The following MYH10 variants were observed in gnomAD, a reference collection of about 807,000 sequenced individuals.
MYH10 encodes the protein myosin heavy chain 10.
Under a neutral mutation model 257.8 loss-of-function variants are expected in MYH10, and 55 were observed. The observed-to-expected ratio is 0.21, with a 90% CI of 0.17 to 0.27. The LOEUF (loss-of-function observed/expected upper bound fraction) is 0.27. Ranked by LOEUF, MYH10 falls within the 10% of genes least tolerant of loss-of-function variation. The pLI is 1.00. For missense variants in MYH10, 1,631 were observed against 2,500.6 expected (o/e 0.65, Z 7.42); for synonymous variants, 854 against 921.7 (o/e 0.93, Z 1.33).
intron 24 of MYH10, among the ~76,000 whole-genome samples, chr17:8,512,212 G>T (rs928135328): frequency 6.6e-6 from 1 of 152,210 alleles, no homozygotes; most frequent in African/African-American, 2.4e-5. Context: ...TTTGCAAACT[G>T]TAAGATGCCA....
chr17:8,568,522 A>G (rs1199069058), intron 7 of MYH10, among the ~76,000 whole-genome samples: 2 of 152,148 alleles, frequency 1.3e-5, no homozygotes, highest in African/African-American at 2.4e-5. Context: ...TTATCCATCA[A>G]TGAACTGCTA....
At chr17:8,603,346 T>C (rs749210726) in intron 3 of MYH10, among the ~76,000 whole-genome samples, 10 of 152,318 alleles carry the variant, frequency 6.6e-5, no homozygotes, top group African/African-American at 1.9e-4. Context: ...CATTAATCAA[T>C]ATACTCACAT....
chr17:8,587,083 C>A (rs867240708), intron 4 of MYH10, among the ~76,000 whole-genome samples: 1 of 152,140 alleles, frequency 6.6e-6, no homozygotes, highest in Non-Finnish European at 1.5e-5. Context: ...GCTGCTACCA[C>A]GTTAAAAGCC....
chr17:8,525,518 C>T (rs928507454), intron 17 of MYH10, among the ~76,000 whole-genome samples: 8 of 152,214 alleles, frequency 5.3e-5, no homozygotes, highest in African/African-American at 1.2e-4. Context: ...AGTGAACTTG[C>T]ACGAAGTTTA....
chr17:8,592,638 A>G (rs963149081), intron 3 of MYH10, among the ~76,000 whole-genome samples: 3 of 151,658 alleles, frequency 2.0e-5, no homozygotes, highest in Non-Finnish European at 2.9e-5. Context: ...CTATTAAAGA[A>G]AATGAAATTG....
At chr17:8,547,500 G>A (rs1157115281) in intron 11 of MYH10, among the ~76,000 whole-genome samples, 2 of 151,880 alleles carry the variant, frequency 1.3e-5, no homozygotes, top group East Asian at 1.9e-4. Context: ...CCCCTTAGAA[G>A]AGCCACACAG....
intron 14 of MYH10, among the ~76,000 whole-genome samples, chr17:8,537,932 T>C (rs1251822197): frequency 6.6e-6 from 1 of 152,212 alleles, no homozygotes; most frequent in East Asian, 1.9e-4. Context: ...TTGTGAAAGC[T>C]TGTGAACTCA....
intron 2 of MYH10, among the ~76,000 whole-genome samples, chr17:8,622,591 T>C (rs1400692367): frequency 1.3e-5 from 2 of 152,244 alleles, no homozygotes; most frequent in Non-Finnish European, 1.5e-5. Context: ...CTTTACCTTA[T>C]TAAACCTTCT....
chr17:8,479,596 A>G (rs1157838723), intron 40 of MYH10, among the ~76,000 whole-genome samples: 1 of 152,202 alleles, frequency 6.6e-6, no homozygotes, highest in Non-Finnish European at 1.5e-5. Flanking sequence ...CAAGAGGGTG[A>G]ATCTGAAGGT....
At chr17:8,594,950 A>G (rs2084305152) in intron 3 of MYH10, among the ~76,000 whole-genome samples, 1 of 152,232 alleles carries the variant, frequency 6.6e-6, no homozygotes, top group Non-Finnish European at 1.5e-5. Flanking sequence ...GAATCTGCAA[A>G]TGTGGGACCC....
At chr17:8,557,295 C>A (rs1038866971) in intron 7 of MYH10, among the ~76,000 whole-genome samples, 2 of 152,084 alleles carry the variant, frequency 1.3e-5, no homozygotes, top group African/African-American at 4.8e-5. Context: ...GAACTCACCC[C>A]ATTTTCCTAT....
At chr17:8,606,987 C>T (rs1036214305) in intron 2 of MYH10, among the ~76,000 whole-genome samples, 3 of 152,114 alleles carry the variant, frequency 2.0e-5, no homozygotes, top group African/African-American at 4.8e-5. Flanking sequence ...TATCTAGTCC[C>T]GTATTTCTTT....
Position 8,512,467 on chromosome 17 carries a change from A to AT in MYH10, c.2935dup (p.Met979AsnfsTer63), listed in dbSNP as rs1304475425. ...TATACATACCTGAATATGTGCTTGC[A>AT]TTTTTTTCTTTTCATTTTGGAGGAT... On this transcript the variant is annotated frameshift_variant, in exon 24 of 43. Coordinates refer to ENST00000360416, the MANE Select transcript of MYH10 (RefSeq NM_001256012.3). LOFTEE classifies it high-confidence loss of function. The AT allele has an allele frequency of 6.2e-7, 1 of 1,612,174 alleles. No individual in the cohort carries two copies.
chr17:8,542,316 G>C, intron 13 of MYH10, 36 bp from the exon 14 acceptor site: 1 of 1,583,818 alleles, frequency 6.3e-7, no homozygotes, highest in Non-Finnish European at 8.6e-7. Context: ...CAAACATGGG[G>C]AGGTGGAGGG....
chr17:8,497,389 T>G, intron 30 of MYH10, among the ~76,000 whole-genome samples: 1 of 152,180 alleles, frequency 6.6e-6, no homozygotes, highest in Non-Finnish European at 1.5e-5. Flanking sequence ...CCAACCACAG[T>G]CAGCCCTTCC....
At chr17:8,595,642 G>C (rs2084338841) in intron 3 of MYH10, among the ~76,000 whole-genome samples, 1 of 151,952 alleles carries the variant, frequency 6.6e-6, no homozygotes, top group African/African-American at 2.4e-5. Context: ...TATTGGTCAG[G>C]CTGGTCTTGA....
At chr17:8,570,362 G>C (rs2083294808) in intron 6 of MYH10, among the ~76,000 whole-genome samples, 1 of 152,170 alleles carries the variant, frequency 6.6e-6, no homozygotes, top group Non-Finnish European at 1.5e-5. Flanking sequence ...AACTTGCTCA[G>C]ATTTAAAAGG....
rs2085000699 is a variant in MYH10, at chr17:8,610,591, G to A, written c.346-5609C>T. Among the ~76,000 whole-genome samples, 3 of 152,148 alleles carry A rather than the reference G, an allele frequency of 2.0e-5. No individual in the cohort carries two copies. The South Asian group carries it at 6.2e-4, about 32-fold the overall frequency. ...TGTTGGGAGGTGAGGCCTATTGAGA[G>A]GTGCTTAGATAATGAGGGCTCCACC... On this transcript the variant is annotated intron_variant, in intron 2 of 42. Coordinates refer to ENST00000360416, the MANE Select transcript of MYH10 (RefSeq NM_001256012.3).
chr17:8,547,964 C>T lies in MYH10; in HGVS notation c.1159+349G>A, dbSNP rs58232292. ...TCTTTGAAAAGTCACTTATATTTGG[C>T]AATACTGGGCCTGTAATCCTGGCAA... On this transcript the variant is annotated intron_variant, in intron 11 of 42. Transcript: ENST00000360416. 4.4e-3 allele frequency among the ~76,000 whole-genome samples: 667 copies of T among 151,842 alleles called. 6 individuals are homozygous for T. Among genetic ancestry groups the T allele is most frequent in the African/African-American group, 0.016 (645 of 41,358 alleles).
Sources: gnomAD v4.1 joint callset for allele counts (sites outside exome capture counted in the v4.1 genomes callset) on GRCh38, gnomAD v4.1.1 for gene constraint, MANE v1.5 for transcripts, NCBI Gene and HGNC (gene_info 2026-07-23, HGNC 2026-07-21) for gene names.